The following TRPM3 variants were observed in gnomAD, a reference collection of about 807,000 sequenced individuals.
TRPM3 encodes long transient receptor potential channel 3.
TRPM3 carries 77 observed loss-of-function variants against 181.2 expected under a neutral mutation model. The ratio of observed to expected loss-of-function variants is 0.42; its 90% CI spans 0.35 to 0.51. TRPM3 has a LOEUF of 0.51. Ranked by LOEUF, TRPM3 falls within the 20% of genes least tolerant of loss-of-function variation. The probability of loss-of-function intolerance (pLI) is 0.01; values close to 1 mark genes in which losing one functional copy is unlikely to be tolerated. For synonymous variants in TRPM3, 745 were observed against 796.4 expected, an observed-to-expected ratio of 0.94 and a Z score of 1.09; for missense variants, 1,759 against 2,196.7, an observed-to-expected ratio of 0.80 and a Z score of 3.98.
At chr9:71,185,563 C>A (rs922607531) in intron 1 of TRPM3, among the ~76,000 whole-genome samples, 13 of 152,094 alleles carry the variant, frequency 8.5e-5, no homozygotes, top group African/African-American at 2.9e-4. Flanking sequence ...CTAATTAGGA[C>A]AGCCTTTGAA....
chr9:70,854,632 T>A (rs2095336454), intron 3 of TRPM3, among the ~76,000 whole-genome samples: 1 of 152,184 alleles, frequency 6.6e-6, no homozygotes, highest in Admixed American at 6.5e-5. Flanking sequence ...GTTTGGGCTA[T>A]CCAATCCTTT....
chr9:70,942,006 T>TC (rs2096890618), intron 1 of TRPM3, among the ~76,000 whole-genome samples: 1 of 152,222 alleles, frequency 6.6e-6, no homozygotes, highest in South Asian at 2.1e-4. Flanking sequence ...AGGGTTTTTT[T>TC]CCCCTCTAAA....
chr9:71,202,858 C>G lies in TRPM3; in HGVS notation c.183+243795G>C, dbSNP rs1002006028. ...GTGTTAGAAGGATTAAATGAGAAAA[C>G]TTACATACATAGCTTACAATAGTGT... On this transcript the variant is annotated intron_variant, in intron 1 of 24. Coordinates refer to the TRPM3 transcript ENST00000357533. Among the ~76,000 whole-genome samples the G allele has an allele frequency of 4.6e-5, 7 of 152,314 alleles. No individual in the cohort carries two copies. The East Asian group carries it at 1.4e-3, about 29-fold the overall frequency.
intron 1 of TRPM3, among the ~76,000 whole-genome samples, chr9:71,307,888 T>C (rs1192521839): frequency 6.6e-6 from 1 of 152,174 alleles, no homozygotes; most frequent in Non-Finnish European, 1.5e-5. Flanking sequence ...AGTAAGGCAT[T>C]TATTTTGTTT....
At chr9:71,135,512 A>G (rs375319227) in intron 1 of TRPM3, among the ~76,000 whole-genome samples, 21 of 152,166 alleles carry the variant, frequency 1.4e-4, no homozygotes, top group South Asian at 4.1e-4. Context: ...AGGGCTGTTT[A>G]GATTTTAAGA....
chr9:71,061,970 T>A (rs571238381), intron 1 of TRPM3, among the ~76,000 whole-genome samples: 1 of 152,046 alleles, frequency 6.6e-6, no homozygotes, highest in Admixed American at 6.6e-5. Context: ...ATAGTGACCA[T>A]GGAATCAAAT....
At position 70,655,219 on chromosome 9, in the gene TRPM3, TC is replaced by T. The variant is rs563442474; in HGVS notation, c.1346-14560del. On this transcript the variant is annotated intron_variant, in intron 9 of 25. Coordinates refer to ENST00000677713, the MANE Select transcript of TRPM3 (RefSeq NM_001366145.2). ...TACTCAGGAGGCTGGGGCAGGAGAA[TC>T]ACTTGAACCTGGGAGGCAGAGGTTG... Among the ~76,000 whole-genome samples, 723 of 137,080 alleles carry T rather than the reference TC, an allele frequency of 5.3e-3. 9 individuals carry two copies. The highest frequency in any genetic ancestry group is 0.019 in the African/African-American group (686 of 36,384). 89.9% of individuals were successfully genotyped at this position (137,080 alleles called of 152,430 possible).
intron 1 of TRPM3, among the ~76,000 whole-genome samples, chr9:71,333,843 G>A (rs2090380288): frequency 1.3e-5 from 2 of 151,840 alleles, no homozygotes; most frequent in Non-Finnish European, 2.9e-5. Context: ...AGGAGCAGTT[G>A]GAAATCCAGA....
At chr9:70,790,508 G>A (rs2085111623) in intron 6 of TRPM3, among the ~76,000 whole-genome samples, 1 of 152,158 alleles carries the variant, frequency 6.6e-6, no homozygotes, top group East Asian at 1.9e-4. Flanking sequence ...TGATTTAAAT[G>A]TCTGTGTAGA....
At chr9:71,438,069 T>C (rs1387258721) in intron 1 of TRPM3, among the ~76,000 whole-genome samples, 2 of 152,012 alleles carry the variant, frequency 1.3e-5, no homozygotes, top group Admixed American at 1.3e-4. Context: ...CACTAGTTCA[T>C]AGGAAATACA....
At position 71,382,339 on chromosome 9, in the gene TRPM3, A is replaced by G. The variant is rs531578729; in HGVS notation, c.183+64314T>C. ...CCAAATGCATTTGAAAAAATTTTCC[A>G]TGCGTCATTTCATGCTAAGTAAAAT... On this transcript the variant is annotated intron_variant, in intron 1 of 24. Coordinates refer to the TRPM3 transcript ENST00000357533. Among the ~76,000 whole-genome samples, 35 of 152,304 alleles carry G rather than the reference A, an allele frequency of 2.3e-4. 1 individual carries two copies. Among genetic ancestry groups the G allele is most frequent in the African/African-American group, 8.4e-4 (35 of 41,590 alleles).
At chr9:71,114,645 G>A (rs1055242651) in intron 1 of TRPM3, among the ~76,000 whole-genome samples, 1 of 152,072 alleles carries the variant, frequency 6.6e-6, no homozygotes, top group Non-Finnish European at 1.5e-5. Flanking sequence ...TAGAATTATG[G>A]GCATCAGTTA....
chr9:71,168,359 C>T (rs1490294033), intron 1 of TRPM3, among the ~76,000 whole-genome samples: 1 of 151,956 alleles, frequency 6.6e-6, no homozygotes, highest in Non-Finnish European at 1.5e-5. Flanking sequence ...TCTCTGAATC[C>T]AGCCCCTACC....
chr9:70,769,604 C>T (rs1226553472), intron 7 of TRPM3, among the ~76,000 whole-genome samples: 1 of 151,910 alleles, frequency 6.6e-6, no homozygotes, highest in Non-Finnish European at 1.5e-5. Context: ...CAGTGTATCC[C>T]ATGTTATTTG....
intron 1 of TRPM3, among the ~76,000 whole-genome samples, chr9:70,939,600 T>C (rs2096865435): frequency 1.3e-5 from 2 of 152,178 alleles, no homozygotes; most frequent in South Asian, 2.1e-4. Context: ...ATTTTGCAAG[T>C]GAAAGATTGA....
At chr9:70,902,960 C>G (rs891314574) in intron 1 of TRPM3, among the ~76,000 whole-genome samples, 2 of 152,102 alleles carry the variant, frequency 1.3e-5, no homozygotes, top group South Asian at 4.1e-4. Context: ...GCCACAAGTA[C>G]GTAAGGTTCC....
intron 8 of TRPM3, among the ~76,000 whole-genome samples, chr9:70,741,827 G>A (rs531538946): frequency 6.6e-6 from 1 of 152,222 alleles, no homozygotes; most frequent in South Asian, 2.1e-4. Context: ...TTGGGGAAAG[G>A]GTGGGAAGGG....
At chr9:71,064,773 T>C (rs570715716) in intron 1 of TRPM3, among the ~76,000 whole-genome samples, 1 of 152,286 alleles carries the variant, frequency 6.6e-6, no homozygotes, top group Admixed American at 6.5e-5. Flanking sequence ...AATGTTTCTG[T>C]TGTAGTGACT....
chr9:70,930,179 G>A (rs1336950342), intron 1 of TRPM3, among the ~76,000 whole-genome samples: 4 of 152,248 alleles, frequency 2.6e-5, no homozygotes, highest in Middle Eastern at 3.4e-3. Flanking sequence ...GGCAAAGGTA[G>A]GATGGGAAAA....
Sources: gnomAD v4.1 joint callset for allele counts (sites outside exome capture counted in the v4.1 genomes callset) on GRCh38, gnomAD v4.1.1 for gene constraint, MANE v1.5 for transcripts, NCBI Gene and HGNC (gene_info 2026-07-23, HGNC 2026-07-21) for gene names.